Variants in NFATC2 observed in about 807,000 individuals in gnomAD.
NFATC2 encodes the protein nuclear factor of activated T-cells, cytoplasmic 2.
A neutral mutation model predicts 87.3 loss-of-function variants in NFATC2; 22 were observed. That is an observed-to-expected ratio of 0.25 (90% CI 0.18 to 0.36). NFATC2 has a LOEUF of 0.36. NFATC2 is among the 10% of genes least tolerant of loss of function. The pLI is 1.00. For synonymous variants in NFATC2, 565 were observed against 542.2 expected, an observed-to-expected ratio of 1.04 and a Z score of -0.58; for missense variants, 1,149 against 1,259.1, an observed-to-expected ratio of 0.91 and a Z score of 1.32.
In NFATC2 at chr20:51,506,853, A is replaced by G. The variant is rs2076191523; in HGVS notation, c.1332+9931T>C. 3.3e-5 allele frequency among the ~76,000 whole-genome samples: 5 copies of G among 152,282 alleles called. No homozygotes were observed. The South Asian group carries it at 6.2e-4, about 19-fold the overall frequency. On this transcript the variant is annotated intron_variant, in intron 3 of 10. Coordinates refer to ENST00000371564, the MANE Select transcript of NFATC2 (RefSeq NM_012340.5). ...ACCTAAAGCAGATGTCTCCTTTCCC[A>G]TATAATCAGAGAAAATCAGCTTCAC...
At chr20:51,411,987 C>T (rs1173573445) in intron 9 of NFATC2, among the ~76,000 whole-genome samples, 1 of 152,106 alleles carries the variant, frequency 6.6e-6, no homozygotes, top group South Asian at 2.1e-4. Flanking sequence ...CTATTAAGAG[C>T]CCCATTAGGG....
At chr20:51,555,322 G>A (rs866447138) in intron 1 of NFATC2, among the ~76,000 whole-genome samples, 32 of 152,214 alleles carry the variant, frequency 2.1e-4, no homozygotes, top group African/African-American at 5.3e-4. Context: ...GGCCGGGTGC[G>A]GTGGCTCATG....
chr20:51,487,842 G>A (rs1054064841), intron 3 of NFATC2, among the ~76,000 whole-genome samples: 1 of 152,028 alleles, frequency 6.6e-6, no homozygotes, highest in Non-Finnish European at 1.5e-5. Context: ...GACGTGATGT[G>A]TACCTTTCCA....
chr20:51,414,150 C>T (rs1178171249), intron 9 of NFATC2, among the ~76,000 whole-genome samples: 1 of 149,042 alleles, frequency 6.7e-6, no homozygotes, highest in Non-Finnish European at 1.5e-5. Flanking sequence ...TGGACGTCAG[C>T]AAATGTTGTC....
intron 1 of NFATC2, among the ~76,000 whole-genome samples, chr20:51,551,431 T>C (rs2076931571): frequency 6.6e-6 from 1 of 152,004 alleles, no homozygotes; most frequent in Non-Finnish European, 1.5e-5. Context: ...TGAGACAGGG[T>C]CCCACTCAGT....
chr20:51,490,437 T>A (rs1487817729), intron 3 of NFATC2, among the ~76,000 whole-genome samples: 1 of 152,196 alleles, frequency 6.6e-6, no homozygotes, highest in Non-Finnish European at 1.5e-5. Flanking sequence ...CAGCCACAAA[T>A]GGACACACCA....
At chr20:51,556,971 C>T (rs545604088) in intron 1 of NFATC2, among the ~76,000 whole-genome samples, 1 of 152,204 alleles carries the variant, frequency 6.6e-6, no homozygotes, top group East Asian at 1.9e-4. Context: ...GACTTCGTGG[C>T]GGGCTGGCTC....
Position 51,389,957 on chromosome 20 carries a change from G to T in NFATC2, c.*1539C>A, listed in dbSNP as rs1986146651. 2 of 152,204 alleles carry T rather than the reference G, an allele frequency of 1.3e-5. No homozygotes were observed. The highest frequency in any genetic ancestry group is 1.3e-4 in the Admixed American group (2 of 15,286). The allele number at this position is 152,204 out of a possible 1,614,324, so 9.4% of individuals were successfully genotyped here. ...GGATTATTGAGGAAACAACTGAATG[G>T]CTGAAAAATGAATCCCCCGCTTGTC... On this transcript the variant is annotated 3_prime_UTR_variant, in exon 11 of 11. Transcript: ENST00000371564.
chr20:51,526,354 A>G (rs560690299), intron 1 of NFATC2, among the ~76,000 whole-genome samples: 9 of 152,128 alleles, frequency 5.9e-5, no homozygotes, highest in Non-Finnish European at 1.2e-4. Flanking sequence ...TTGCTCCTAT[A>G]CTACAACAGC....
chr20:51,508,317 C>T (rs2076217870), intron 3 of NFATC2, among the ~76,000 whole-genome samples: 2 of 152,176 alleles, frequency 1.3e-5, no homozygotes, highest in Non-Finnish European at 1.5e-5. Flanking sequence ...CTCTCTCCAC[C>T]TCTCACCTCG....
intron 1 of NFATC2, among the ~76,000 whole-genome samples, chr20:51,552,918 T>G (rs377530377): frequency 6.6e-6 from 1 of 152,188 alleles, no homozygotes; most frequent in African/African-American, 2.4e-5. Flanking sequence ...ACCCATCACC[T>G]AGGTACTAAG....
rs1986185226 is a variant in NFATC2, at chr20:51,390,362, G to A, written c.*1134C>T. On this transcript the variant is annotated 3_prime_UTR_variant, in exon 11 of 11. Coordinates refer to ENST00000371564, the MANE Select transcript of NFATC2 (RefSeq NM_012340.5). ...CTATCTTGGTAGAAACCCACCTCCAGAAGCACTTGGGCTGTTTTACTTAAC... is the reference window on the plus strand; with the variant it reads ...CTATCTTGGTAGAAACCCACCTCCAAAAGCACTTGGGCTGTTTTACTTAAC... 1 of 152,242 alleles carries A rather than the reference G, an allele frequency of 6.6e-6. No homozygotes were observed. Among genetic ancestry groups the A allele is most frequent in the Non-Finnish European group, 1.5e-5 (1 of 68,046 alleles). The allele number at this position is 152,242 out of a possible 1,614,324, so 9.4% of individuals were successfully genotyped here.
At chr20:51,478,301 C>T (rs1600829393) in intron 3 of NFATC2, among the ~76,000 whole-genome samples, 1 of 152,204 alleles carries the variant, frequency 6.6e-6, no homozygotes, top group African/African-American at 2.4e-5. Flanking sequence ...TTTTGCTTTG[C>T]ATTTGAGCCC....
intron 1 of NFATC2, among the ~76,000 whole-genome samples, chr20:51,550,389 G>A (rs1329709016): frequency 2.0e-5 from 3 of 152,032 alleles, no homozygotes; most frequent in Admixed American, 6.5e-5. Flanking sequence ...TCAGGAGTTC[G>A]AGACCAGCCT....
chr20:51,403,854 A>C lies in NFATC2; in HGVS notation c.2723-5124T>G, dbSNP rs370440814. Among the ~76,000 whole-genome samples, 227 of 152,222 alleles carry C rather than the reference A, an allele frequency of 1.5e-3. 2 individuals carry two copies. Among genetic ancestry groups the C allele is most frequent in the African/African-American group, 5.2e-3 (216 of 41,510 alleles). ...TAAATTTCTGTTGTTTAAGCCACTA[A>C]GTCTATGATATTTTGTTATGTGGCC... On this transcript the variant is annotated intron_variant, in intron 9 of 10. Coordinates refer to ENST00000371564, the MANE Select transcript of NFATC2 (RefSeq NM_012340.5).
At chr20:51,448,526 C>T (rs950621683) in intron 6 of NFATC2, among the ~76,000 whole-genome samples, 4 of 152,202 alleles carry the variant, frequency 2.6e-5, no homozygotes, top group East Asian at 1.9e-4. Context: ...TGCCTATAGT[C>T]CCAGCTACTC....
chr20:51,410,071 G>A (rs2426306), intron 9 of NFATC2, among the ~76,000 whole-genome samples: 141,496 of 152,146 alleles, frequency 0.93, 65,923 homozygotes, highest in African/African-American at 0.98. Flanking sequence ...TTAGCCAGGC[G>A]TGGTGGCGGG....
intron 1 of NFATC2, among the ~76,000 whole-genome samples, chr20:51,530,012 A>G (rs2076607472): frequency 6.6e-6 from 1 of 152,132 alleles, no homozygotes; most frequent in African/African-American, 2.4e-5. Flanking sequence ...CAAATGTCAT[A>G]CATTCTTGCT....
upstream of NFATC2, among the ~76,000 whole-genome samples, chr20:51,544,584 C>T (rs886635421): frequency 1.3e-5 from 2 of 152,196 alleles, no homozygotes; most frequent in African/African-American, 4.8e-5. Flanking sequence ...CAGCCTCTCC[C>T]TTCATCATGC....
Sources: allele counts gnomAD v4.1 joint callset (sites outside exome capture counted in the v4.1 genomes callset), GRCh38; gene constraint gnomAD v4.1.1; transcripts MANE v1.5; gene names NCBI Gene and HGNC (gene_info 2026-07-23, HGNC 2026-07-21).